GRID1: variants seen among roughly 807,000 people sequenced by gnomAD.
GRID1 encodes glutamate ionotropic receptor delta type subunit 1.
GRID1 carries 28 observed loss-of-function variants against 98.0 expected under a neutral mutation model. The ratio of observed to expected loss-of-function variants is 0.29; its 90% CI spans 0.21 to 0.39. GRID1 has a LOEUF of 0.39. Ranked by LOEUF, GRID1 falls within the 10% of genes least tolerant of loss-of-function variation. The pLI, the probability that GRID1 is intolerant of heterozygous loss-of-function variation, is 1.00. For missense variants in GRID1, 1,111 were observed against 1,340.5 expected (o/e 0.83, Z 2.67); for synonymous variants, 553 against 538.5 (o/e 1.03, Z -0.37).
At chr10:85,802,844 C>T in intron 8 of GRID1, among the ~76,000 whole-genome samples, 1 of 116,446 alleles carries the variant, frequency 8.6e-6, no homozygotes, top group South Asian at 2.9e-4. Flanking sequence ...AATAAACACA[C>T]ACACACACAC....
chr10:86,282,996 C>A (rs535678469), intron 2 of GRID1, among the ~76,000 whole-genome samples: 110 of 152,262 alleles, frequency 7.2e-4, no homozygotes, highest in Admixed American at 2.0e-3. Context: ...CTCTGCCCAC[C>A]AGTGCACCCT....
At chr10:85,609,239 G>A (rs914157248) in intron 15 of GRID1, among the ~76,000 whole-genome samples, 2 of 152,182 alleles carry the variant, frequency 1.3e-5, no homozygotes, top group Non-Finnish European at 2.9e-5. Context: ...TTCAACTACT[G>A]AAGAGGGCTA....
chr10:86,102,297 CATAGCCATTGGGGTGGTGAGAAG>C (rs1844307529), intron 4 of GRID1, among the ~76,000 whole-genome samples: 1 of 152,242 alleles, frequency 6.6e-6, no homozygotes, highest in Admixed American at 6.5e-5. Context: ...AGACCAGGGA[CATAGCCATTGGGGTGGTGAGAAG>C]TAATCAGAAT....
At chr10:85,931,862 G>A (rs1223041506) in intron 4 of GRID1, among the ~76,000 whole-genome samples, 1 of 152,134 alleles carries the variant, frequency 6.6e-6, no homozygotes, top group East Asian at 1.9e-4. Context: ...CCTGTCCTTT[G>A]CAATGGAAGA....
At chr10:86,283,258 G>A (rs1171267471) in intron 2 of GRID1, among the ~76,000 whole-genome samples, 4 of 152,196 alleles carry the variant, frequency 2.6e-5, no homozygotes, top group Non-Finnish European at 5.9e-5. Context: ...GAAAAGCCCA[G>A]CCCCCACACT....
At chr10:85,772,208 G>A (rs1842277063) in intron 8 of GRID1, among the ~76,000 whole-genome samples, 1 of 152,050 alleles carries the variant, frequency 6.6e-6, no homozygotes, top group African/African-American at 2.4e-5. Context: ...TGAACAACCT[G>A]CTCCTGAATG....
chr10:85,950,540 TG>T (rs1417316503), intron 4 of GRID1, among the ~76,000 whole-genome samples: 1 of 152,202 alleles, frequency 6.6e-6, no homozygotes, highest in Non-Finnish European at 1.5e-5. Flanking sequence ...CTGACCAGAC[TG>T]TGATCAATGG....
intron 2 of GRID1, among the ~76,000 whole-genome samples, chr10:86,334,504 G>A (rs571239049): frequency 1.8e-4 from 28 of 152,230 alleles, no homozygotes; most frequent in African/African-American, 4.1e-4. Context: ...GTTATGGTTC[G>A]TGTCACATGT....
At chr10:85,689,388 T>C (rs1289945814) in intron 12 of GRID1, among the ~76,000 whole-genome samples, 1 of 151,188 alleles carries the variant, frequency 6.6e-6, no homozygotes, top group African/African-American at 2.4e-5. Flanking sequence ...GGATAAATTG[T>C]AAGAAGGACA....
intron 5 of GRID1, among the ~76,000 whole-genome samples, chr10:85,876,709 A>G (rs1353631889): frequency 6.6e-6 from 1 of 152,166 alleles, no homozygotes; most frequent in Non-Finnish European, 1.5e-5. Context: ...CTGCATTTCC[A>G]TCTGGGGTAC....
intron 8 of GRID1, among the ~76,000 whole-genome samples, chr10:85,844,309 T>A (rs550752933): frequency 3.9e-5 from 6 of 151,990 alleles, no homozygotes; most frequent in African/African-American, 1.2e-4. Context: ...GTCCATGTGG[T>A]CATAAAAGAG....
chr10:86,157,521 A>T (rs992165353), intron 3 of GRID1, among the ~76,000 whole-genome samples: 6 of 152,138 alleles, frequency 3.9e-5, no homozygotes, highest in African/African-American at 1.4e-4. Flanking sequence ...CTTCTAGTGG[A>T]GTGACAAATG....
At chr10:85,683,670 T>C (rs1841236140) in intron 12 of GRID1, among the ~76,000 whole-genome samples, 1 of 152,228 alleles carries the variant, frequency 6.6e-6, no homozygotes, top group Non-Finnish European at 1.5e-5. Flanking sequence ...AAATCTGACC[T>C]GAGAATAAAA....
At chr10:85,817,923 T>C (rs1590245451) in intron 8 of GRID1, among the ~76,000 whole-genome samples, 1 of 152,056 alleles carries the variant, frequency 6.6e-6, no homozygotes, top group African/African-American at 2.4e-5. Flanking sequence ...GTAGCACAAA[T>C]GAAAGGCATA....
intron 2 of GRID1, among the ~76,000 whole-genome samples, chr10:86,319,151 G>A (rs565454623): frequency 6.6e-6 from 1 of 152,230 alleles, no homozygotes; most frequent in African/African-American, 2.4e-5. Context: ...GTGGCTGAAG[G>A]GGAGGCACCC....
At chr10:86,067,920 G>A (rs978125284) in intron 4 of GRID1, among the ~76,000 whole-genome samples, 1 of 152,170 alleles carries the variant, frequency 6.6e-6, no homozygotes, top group Non-Finnish European at 1.5e-5. Context: ...CATCCTTAAG[G>A]ATTTTACCAG....
chr10:85,736,095 AAGG>A, intron 8 of GRID1, among the ~76,000 whole-genome samples: 3 of 136,056 alleles, frequency 2.2e-5, no homozygotes, highest in Non-Finnish European at 4.7e-5. Flanking sequence ...GGAAGGAAGG[AAGG>A]AGAGAAGGAA....
intron 2 of GRID1, among the ~76,000 whole-genome samples, chr10:86,228,068 C>T (rs1169422016): frequency 1.3e-5 from 2 of 149,824 alleles, no homozygotes; most frequent in Non-Finnish European, 3.0e-5. Context: ...GGATGGGGGA[C>T]CGGGTTGGGG....
intron 8 of GRID1, among the ~76,000 whole-genome samples, chr10:85,776,028 A>G (rs1175148137): frequency 6.6e-6 from 1 of 152,064 alleles, no homozygotes; most frequent in Non-Finnish European, 1.5e-5. Context: ...AAAAAAACAT[A>G]CTCAAAAAAG....
Sources: gnomAD v4.1 joint callset for allele counts (sites outside exome capture counted in the v4.1 genomes callset) on GRCh38, gnomAD v4.1.1 for gene constraint, MANE v1.5 for transcripts, NCBI Gene and HGNC (gene_info 2026-07-23, HGNC 2026-07-21) for gene names.